The following RBFOX3 variants were observed in gnomAD, a reference collection of about 807,000 sequenced individuals.
RBFOX3 encodes RNA binding protein fox-1 homolog 3.
A neutral mutation model predicts 48.7 loss-of-function variants in RBFOX3; 17 were observed. The ratio of observed to expected loss-of-function variants is 0.35; its 90% CI spans 0.24 to 0.52. The LOEUF (loss-of-function observed/expected upper bound fraction) is 0.52, where lower values mean the gene tolerates loss of function less well. Ranked by LOEUF, RBFOX3 falls within the 20% of genes least tolerant of loss-of-function variation. The probability of loss-of-function intolerance (pLI) is 0.94; values close to 1 mark genes in which losing one functional copy is unlikely to be tolerated. For synonymous variants in RBFOX3, 212 were observed against 209.5 expected, an observed-to-expected ratio of 1.01 and a Z score of -0.10; for missense variants, 382 against 497.5, an observed-to-expected ratio of 0.77 and a Z score of 2.21.
intron 4 of RBFOX3, among the ~76,000 whole-genome samples, chr17:79,226,593 G>C (rs76182471): frequency 1.3e-5 from 2 of 152,088 alleles, no homozygotes; most frequent in African/African-American, 4.8e-5. Flanking sequence ...CTGGGATGTG[G>C]CAAAACTCAG....
At chr17:79,426,699 T>G (rs181573696) in intron 2 of RBFOX3, among the ~76,000 whole-genome samples, 1 of 152,062 alleles carries the variant, frequency 6.6e-6, no homozygotes, top group East Asian at 1.9e-4. Flanking sequence ...TGTTTTTTGT[T>G]TGTTTGTTTG....
At chr17:79,246,724 C>T (rs528375198) in intron 3 of RBFOX3, among the ~76,000 whole-genome samples, 1 of 152,312 alleles carries the variant, frequency 6.6e-6, no homozygotes, top group East Asian at 1.9e-4. Context: ...GATGGAAACT[C>T]TTTGAGACCT....
chr17:79,452,363 G>A (rs536829671), intron 2 of RBFOX3, among the ~76,000 whole-genome samples: 4 of 152,328 alleles, frequency 2.6e-5, no homozygotes, highest in Middle Eastern at 3.4e-3. Flanking sequence ...AGGCGGATGG[G>A]CATTCTTTGT....
intron 4 of RBFOX3, among the ~76,000 whole-genome samples, chr17:79,206,693 T>C (rs908402470): frequency 6.6e-6 from 1 of 152,170 alleles, no homozygotes; most frequent in African/African-American, 2.4e-5. Context: ...AGCTGTCCCC[T>C]GGCAGGAACA....
At chr17:79,388,570 G>A (rs1308686258) in intron 2 of RBFOX3, among the ~76,000 whole-genome samples, 4 of 152,186 alleles carry the variant, frequency 2.6e-5, no homozygotes, top group Admixed American at 2.0e-4. Flanking sequence ...TTTAAAAACA[G>A]GGGATTTAAG....
At position 79,443,203 on chromosome 17, in the gene RBFOX3, A is replaced by C. The variant is rs565875949; in HGVS notation, c.-175+39251T>G. 2.2e-3 allele frequency among the ~76,000 whole-genome samples: 330 copies of C among 152,346 alleles called. 1 individual carries two copies. Among genetic ancestry groups the C allele is most frequent in the African/African-American group, 7.6e-3 (315 of 41,588 alleles). The stretch of plus-strand genomic sequence containing the variant: ...GATCAGCCGAAGGGGCCCAGCGTCC[A>C]GTCCAATCCTGGGTGCTGCCAAGTC... On this transcript the variant is annotated intron_variant, in intron 2 of 14. Coordinates refer to ENST00000693108, the MANE Select transcript of RBFOX3 (RefSeq NM_001350451.2). This position sits in a 1 kb window ranked among gnomAD's most constrained non-coding sequence, Gnocchi z 4.4.
At chr17:79,394,082 A>T (rs2061691234) in intron 2 of RBFOX3, among the ~76,000 whole-genome samples, 1 of 151,376 alleles carries the variant, frequency 6.6e-6, no homozygotes. Context: ...CATCATACAC[A>T]TCATCTGAGC....
At chr17:79,272,738 C>T (rs1752017376) in intron 3 of RBFOX3, among the ~76,000 whole-genome samples, 1 of 152,208 alleles carries the variant, frequency 6.6e-6, no homozygotes, top group Non-Finnish European at 1.5e-5. Context: ...TCACCTGGCA[C>T]GTGTTCCTGT....
the RBFOX3 span, among the ~76,000 whole-genome samples, chr17:79,659,844 C>T: frequency 2.0e-5 from 3 of 152,094 alleles, no homozygotes; most frequent in African/African-American, 7.2e-5. Context: ...CCCCTTCCCC[C>T]CAGCCTCCCA....
intron 3 of RBFOX3, among the ~76,000 whole-genome samples, chr17:79,259,666 T>G (rs1351917550): frequency 6.6e-6 from 1 of 152,040 alleles, no homozygotes; most frequent in Admixed American, 6.5e-5. Flanking sequence ...GACCTGCTGG[T>G]CAGTAGACCG....
Position 79,533,099 on chromosome 17 carries a change from C to T in RBFOX3, c.-319-50501G>A, listed in dbSNP as rs189912582. On this transcript the variant is annotated intron_variant, in intron 1 of 14. Coordinates refer to ENST00000693108, the MANE Select transcript of RBFOX3 (RefSeq NM_001350451.2). ...AGTTTTCACATCCCTGTGAAAGAGGCGTTGCCCCCATTTTCTAGATGAAGG... is the reference window on the plus strand; with the variant it reads ...AGTTTTCACATCCCTGTGAAAGAGGTGTTGCCCCCATTTTCTAGATGAAGG... Among the ~76,000 whole-genome samples the T allele has an allele frequency of 7.5e-4, 114 of 152,356 alleles. 1 individual carries two copies. Among genetic ancestry groups the T allele is most frequent in the African/African-American group, 2.6e-3 (107 of 41,568 alleles).
chr17:79,347,895 C>G (rs999888418), intron 2 of RBFOX3, among the ~76,000 whole-genome samples: 1 of 152,144 alleles, frequency 6.6e-6, no homozygotes, highest in African/African-American at 2.4e-5. Context: ...TGTTATTTTG[C>G]CTGCCAGCTC....
At chr17:79,382,242 C>T (rs557235199) in intron 2 of RBFOX3, among the ~76,000 whole-genome samples, 5 of 152,188 alleles carry the variant, frequency 3.3e-5, no homozygotes, top group Non-Finnish European at 5.9e-5. Flanking sequence ...ACCAGGCACT[C>T]GTTCATCTGC....
At chr17:79,425,069 G>C (rs1177777683) in intron 2 of RBFOX3, among the ~76,000 whole-genome samples, 1 of 152,102 alleles carries the variant, frequency 6.6e-6, no homozygotes, top group Non-Finnish European at 1.5e-5. Context: ...AATAAAATCT[G>C]TGCTCCTTAC....
At chr17:79,541,626 G>T (rs542529729) in intron 1 of RBFOX3, among the ~76,000 whole-genome samples, 2 of 152,246 alleles carry the variant, frequency 1.3e-5, no homozygotes, top group South Asian at 4.2e-4. Flanking sequence ...AATCCACCAA[G>T]GCTCTCTCTG....
chr17:79,329,684 A>T (rs988471361), intron 2 of RBFOX3, among the ~76,000 whole-genome samples: 9 of 152,172 alleles, frequency 5.9e-5, no homozygotes, highest in African/African-American at 2.2e-4. Context: ...CCCCGGCCTA[A>T]TGGCCAGCCC....
intron 1 of RBFOX3, among the ~76,000 whole-genome samples, chr17:79,577,684 T>C (rs1319712498): frequency 6.6e-6 from 1 of 152,204 alleles, no homozygotes; most frequent in African/African-American, 2.4e-5. Context: ...TGGCTTATCA[T>C]TGCTGACTTG....
intron 2 of RBFOX3, among the ~76,000 whole-genome samples, chr17:79,440,409 C>G (rs533614257): frequency 2.0e-5 from 3 of 152,134 alleles, no homozygotes; most frequent in African/African-American, 7.2e-5. Flanking sequence ...GCCCGAGTGA[C>G]TTGCCTGATC....
chr17:79,431,232 A>G (rs2068385341), intron 2 of RBFOX3, among the ~76,000 whole-genome samples: 1 of 152,220 alleles, frequency 6.6e-6, no homozygotes, highest in South Asian at 2.1e-4. Flanking sequence ...TGTTCCACAA[A>G]GACCTCTCAG....
Sources: gnomAD v4.1 joint callset for allele counts (sites outside exome capture counted in the v4.1 genomes callset) on GRCh38, gnomAD v4.1.1 for gene constraint, Gnocchi (gnomAD v3.1) non-coding constraint, MANE v1.5 for transcripts, NCBI Gene and HGNC (gene_info 2026-07-23, HGNC 2026-07-21) for gene names.